The following RAD51B variants were observed in gnomAD, a reference collection of about 807,000 sequenced individuals.
RAD51B encodes the protein RAD51 paralog B, also known as DNA repair protein RAD51 homolog 2.
RAD51B carries 38 observed loss-of-function variants against 42.2 expected under a neutral mutation model. The observed-to-expected ratio is 0.90, with a 90% CI of 0.70 to 1.18. The LOEUF is 1.18. RAD51B is among the 50% of genes most tolerant of loss of function. RAD51B has a pLI of 0.00. For synonymous variants in RAD51B, 154 were observed against 145.2 expected, an observed-to-expected ratio of 1.06 and a Z score of -0.43; for missense variants, 373 against 400.7, an observed-to-expected ratio of 0.93 and a Z score of 0.59.
chr14:68,479,688 T>TTTTTTTTTTTTTTTTTG (rs34627518), downstream of RAD51B, among the ~76,000 whole-genome samples: 1 of 137,014 alleles, frequency 7.3e-6, no homozygotes, highest in Non-Finnish European at 1.5e-5. Context: ...TTTTTTTTTT[T>TTTTTTTTTTTTTTTTTG]GCCAGAGTCT....
At chr14:68,007,836 A>G (rs1006696030) in intron 7 of RAD51B, among the ~76,000 whole-genome samples, 6 of 152,034 alleles carry the variant, frequency 3.9e-5, no homozygotes, top group Non-Finnish European at 7.4e-5. Flanking sequence ...CTAACTTCCA[A>G]ATAGAAAAAT....
intron 7 of RAD51B, among the ~76,000 whole-genome samples, chr14:68,260,298 CGTGT>C (rs71281749): frequency 1.0e-5 from 1 of 96,612 alleles, no homozygotes. Context: ...GCTGAGAGAC[CGTGT>C]GTGTGTGTGT....
intron 7 of RAD51B, among the ~76,000 whole-genome samples, chr14:67,991,260 T>TG (rs1412894294): frequency 6.6e-6 from 1 of 152,222 alleles, no homozygotes; most frequent in African/African-American, 2.4e-5. Flanking sequence ...TCCCTACAGC[T>TG]GGTGAATCTG....
At chr14:68,273,801 A>C (rs2081168730) in intron 7 of RAD51B, among the ~76,000 whole-genome samples, 1 of 152,054 alleles carries the variant, frequency 6.6e-6, no homozygotes, top group South Asian at 2.1e-4. Context: ...ATCCTCTCCC[A>C]TCAGCATCCT....
chr14:68,067,477 CA>C (rs79038337), intron 7 of RAD51B, among the ~76,000 whole-genome samples: 4,871 of 101,764 alleles, frequency 0.048, 162 homozygotes, highest in African/African-American at 0.12. Context: ...AAAAAAAAAA[CA>C]AAAAAAAAAA....
chr14:68,373,189 T>C (rs994788790), intron 8 of RAD51B, among the ~76,000 whole-genome samples: 7 of 152,228 alleles, frequency 4.6e-5, no homozygotes, highest in Non-Finnish European at 7.3e-5. Context: ...GTCCCCATTA[T>C]TTGCTAATTT....
At chr14:67,878,167 A>G (rs1008562346) in intron 5 of RAD51B, among the ~76,000 whole-genome samples, 1 of 152,186 alleles carries the variant, frequency 6.6e-6, no homozygotes, top group African/African-American at 2.4e-5. Flanking sequence ...AAACTGCCAC[A>G]TTCTCCTCTA....
At chr14:68,227,702 T>C (rs545309848) in intron 7 of RAD51B, among the ~76,000 whole-genome samples, 31 of 152,294 alleles carry the variant, frequency 2.0e-4, no homozygotes, top group Admixed American at 2.0e-3. Flanking sequence ...CTGGGGTATA[T>C]TTCTGTTTGG....
At chr14:68,446,498 A>G (rs1036855691) in intron 9 of RAD51B, among the ~76,000 whole-genome samples, 3 of 152,192 alleles carry the variant, frequency 2.0e-5, no homozygotes, top group Non-Finnish European at 4.4e-5. Flanking sequence ...CACTGGGTTC[A>G]TGTCTGACCA....
At chr14:67,929,556 A>G (rs1386004878) in intron 7 of RAD51B, among the ~76,000 whole-genome samples, 2 of 152,200 alleles carry the variant, frequency 1.3e-5, no homozygotes, top group Non-Finnish European at 1.5e-5. Flanking sequence ...TATTCTACAG[A>G]TGTTAGATAA....
intron 10 of RAD51B, among the ~76,000 whole-genome samples, chr14:68,636,582 CAAAAAA>C (rs142821866): frequency 2.9e-4 from 28 of 97,076 alleles, no homozygotes; most frequent in African/African-American, 1.1e-3. Context: ...GACTCAGTCT[CAAAAAA>C]AAAAAAAAAA....
intron 7 of RAD51B, among the ~76,000 whole-genome samples, chr14:68,149,154 T>C (rs2078319685): frequency 6.6e-6 from 1 of 152,250 alleles, no homozygotes. Context: ...ATATTTGGTT[T>C]GTCTATTCAT....
intron 7 of RAD51B, among the ~76,000 whole-genome samples, chr14:68,005,593 C>A (rs962044327): frequency 3.9e-5 from 6 of 152,028 alleles, no homozygotes; most frequent in African/African-American, 1.2e-4. Context: ...TGTTGGGCTT[C>A]GTATTTAACT....
intron 9 of RAD51B, among the ~76,000 whole-genome samples, chr14:68,465,988 A>T (rs1485769718): frequency 7.1e-6 from 1 of 141,434 alleles, no homozygotes; most frequent in Admixed American, 7.0e-5. Flanking sequence ...ATAAATAAAT[A>T]AATAAATTCA....
Position 68,072,149 on chromosome 14 carries a change from T to A in RAD51B, c.756+184945T>A, listed in dbSNP as rs1343802359. Among the ~76,000 whole-genome samples the A allele has an allele frequency of 4.4e-3, 597 of 134,240 alleles. 10 individuals are homozygous for A. The highest frequency in any genetic ancestry group is 0.016 in the African/African-American group (569 of 34,564). The allele number at this position is 134,240 out of a possible 152,430, so 88.1% of individuals were successfully genotyped here. Reference sequence around the variant, plus strand: ...TATATATATAATTATATATATATTTTATATATATTTTTTTCTAGGTTTTAT... The same window carrying A: ...TATATATATAATTATATATATATTTAATATATATTTTTTTCTAGGTTTTAT... On this transcript the variant is annotated intron_variant, in intron 7 of 10. Transcript: ENST00000471583.
intron 8 of RAD51B, among the ~76,000 whole-genome samples, chr14:68,354,308 C>A (rs1278834084): frequency 2.0e-5 from 3 of 150,986 alleles, no homozygotes; most frequent in Non-Finnish European, 4.4e-5. Context: ...CCTTCACCTC[C>A]CAGGTTCAAG....
downstream of RAD51B, among the ~76,000 whole-genome samples, chr14:68,598,967 GA>G (rs969081160): frequency 4.6e-5 from 7 of 152,008 alleles, no homozygotes; most frequent in Non-Finnish European, 1.0e-4. Context: ...GAACTGGGAA[GA>G]AAAAAAATCC....
At chr14:67,943,982 A>C (rs1180767279) in intron 7 of RAD51B, among the ~76,000 whole-genome samples, 2 of 152,056 alleles carry the variant, frequency 1.3e-5, no homozygotes, top group Non-Finnish European at 1.5e-5. Context: ...AATTTGCTAC[A>C]TTTCTCATTT....
Position 68,478,078 on chromosome 14 carries a change from A to G in RAD51B, c.*414A>G. The G allele has an allele frequency of 1.9e-6, 2 of 1,058,674 alleles. No individual in the cohort carries two copies. The highest frequency in any genetic ancestry group is 2.3e-6 in the Non-Finnish European group (2 of 875,410). The allele number at this position is 1,058,674 out of a possible 1,614,324, so 65.6% of individuals were successfully genotyped here. A position where few individuals can be genotyped will look rare whatever the true frequency, so the allele number is the denominator to read the frequency against. ...TACAGGAGGGAACATTTCCGAATAA[A>G]GTATTGTCTACCAGATAAAAAGAGT... On this transcript the variant is annotated 3_prime_UTR_variant, in exon 11 of 11. Transcript: ENST00000471583.
Sources: gnomAD v4.1 joint callset for allele counts (sites outside exome capture counted in the v4.1 genomes callset) on GRCh38, gnomAD v4.1.1 for gene constraint, MANE v1.5 for transcripts, NCBI Gene and HGNC (gene_info 2026-07-23, HGNC 2026-07-21) for gene names.